ULK4: variants seen among roughly 807,000 people sequenced by gnomAD.
The protein encoded by ULK4 is unc-51 like kinase 4.
ULK4 carries 133 observed loss-of-function variants against 160.6 expected under a neutral mutation model. The ratio of observed to expected loss-of-function variants is 0.83; its 90% confidence interval spans 0.72 to 0.96. The LOEUF (loss-of-function observed/expected upper bound fraction) is 0.96. ULK4 is among the 40% of genes least tolerant of loss of function. ULK4 has a pLI of 0.00. For synonymous variants in ULK4, 534 were observed against 539.8 expected (o/e 0.99, Z 0.15); for missense variants, 1,580 against 1,499.5 (o/e 1.05, Z -0.89).
chr3:41,638,779 C>A (rs1376705040), intron 30 of ULK4, among the ~76,000 whole-genome samples: 1 of 152,300 alleles, frequency 6.6e-6, no homozygotes. Context: ...TGAGACATGA[C>A]AGATGAATTA....
chr3:41,949,212 G>C (rs1400139594), intron 2 of ULK4, among the ~76,000 whole-genome samples: 1 of 151,964 alleles, frequency 6.6e-6, no homozygotes, highest in African/African-American at 2.4e-5. Context: ...GGGAGGCTGA[G>C]GCAGGAGAAT....
At chr3:41,802,219 GAAT>G (rs1306899913) in intron 19 of ULK4, among the ~76,000 whole-genome samples, 2 of 151,980 alleles carry the variant, frequency 1.3e-5, no homozygotes, top group Non-Finnish European at 2.9e-5. Flanking sequence ...AAAGAACAAA[GAAT>G]AAAAAAGTAA....
chr3:41,466,930 G>A (rs1328765898), intron 32 of ULK4, among the ~76,000 whole-genome samples: 1 of 152,050 alleles, frequency 6.6e-6, no homozygotes, highest in East Asian at 1.9e-4. Flanking sequence ...AGGTATAACA[G>A]TCAATAAGTA....
At chr3:41,720,263 C>T (rs2037405697) in intron 22 of ULK4, among the ~76,000 whole-genome samples, 1 of 152,184 alleles carries the variant, frequency 6.6e-6, no homozygotes, top group Admixed American at 6.5e-5. Context: ...GTGTTCAATA[C>T]ATATTAGCTG....
chr3:41,394,094 A>C (rs1050530562), intron 35 of ULK4, among the ~76,000 whole-genome samples: 1 of 152,176 alleles, frequency 6.6e-6, no homozygotes, highest in Non-Finnish European at 1.5e-5. Context: ...AGTAACCAAC[A>C]ACTGATGAAC....
intron 22 of ULK4, among the ~76,000 whole-genome samples, chr3:41,738,438 C>G (rs973419991): frequency 2.6e-5 from 4 of 151,962 alleles, no homozygotes; most frequent in Non-Finnish European, 4.4e-5. Flanking sequence ...GCCATGCTAA[C>G]TCTGCTACCA....
chr3:41,622,164 G>A (rs1470007154), intron 30 of ULK4, among the ~76,000 whole-genome samples: 1 of 152,188 alleles, frequency 6.6e-6, no homozygotes, highest in Non-Finnish European at 1.5e-5. Context: ...CTGTTGGTGG[G>A]AGTGTAAATT....
intron 31 of ULK4, among the ~76,000 whole-genome samples, chr3:41,613,932 T>C (rs1442862431): frequency 6.6e-6 from 1 of 152,240 alleles, no homozygotes; most frequent in Non-Finnish European, 1.5e-5. Context: ...GGAGGGTAGA[T>C]GTCACCTTCT....
At chr3:41,819,283 TA>T in intron 19 of ULK4, 139 bp downstream of exon 19, 1 of 665,872 alleles carries the variant, frequency 1.5e-6, no homozygotes. Context: ...TTGCTCATGG[TA>T]GGTTGTCGGG....
At chr3:41,585,909 G>C (rs966808859) in intron 31 of ULK4, among the ~76,000 whole-genome samples, 16 of 152,128 alleles carry the variant, frequency 1.1e-4, no homozygotes, top group African/African-American at 3.6e-4. Context: ...ATGAAAAGAT[G>C]CTCAGCATCA....
intron 29 of ULK4, among the ~76,000 whole-genome samples, chr3:41,676,552 C>G: frequency 6.6e-6 from 1 of 151,896 alleles, no homozygotes; most frequent in East Asian, 1.9e-4. Flanking sequence ...CTTAATATTT[C>G]AGTAAACATT....
intron 34 of ULK4, among the ~76,000 whole-genome samples, chr3:41,422,400 T>C (rs2082682660): frequency 1.3e-5 from 2 of 152,146 alleles, no homozygotes; most frequent in African/African-American, 2.4e-5. Flanking sequence ...AGATTCCTAT[T>C]CCTATTTAAA....
chr3:41,913,972 G>A (rs34982278), intron 8 of ULK4, among the ~76,000 whole-genome samples: 24,456 of 152,086 alleles, frequency 0.16, 2,619 homozygotes, highest in East Asian at 0.24. Context: ...CCGGGAGGGG[G>A]TGCGGCGGTG....
At chr3:41,773,596 T>C (rs1482249621) in intron 21 of ULK4, among the ~76,000 whole-genome samples, 1 of 152,048 alleles carries the variant, frequency 6.6e-6, no homozygotes, top group Non-Finnish European at 1.5e-5. Context: ...GGAAGAACAT[T>C]CCATGCTCAT....
chr3:41,774,152 A>C (rs2039514432), intron 21 of ULK4, among the ~76,000 whole-genome samples: 2 of 152,172 alleles, frequency 1.3e-5, no homozygotes, highest in African/African-American at 4.8e-5. Flanking sequence ...CATTCAGGAC[A>C]TAGGCATGGG....
intron 31 of ULK4, among the ~76,000 whole-genome samples, chr3:41,574,986 C>A (rs2088137605): frequency 6.6e-6 from 1 of 152,162 alleles, no homozygotes. Flanking sequence ...CTGTCCACAG[C>A]CCTGGTTGGA....
intron 16 of ULK4, among the ~76,000 whole-genome samples, chr3:41,886,261 T>C (rs182736117): frequency 6.3e-4 from 96 of 152,336 alleles, no homozygotes; most frequent in African/African-American, 2.3e-3. Flanking sequence ...TAAAATGTTG[T>C]AGTTACTTAT....
chr3:41,497,772 C>A (rs760801000), intron 32 of ULK4, among the ~76,000 whole-genome samples: 1 of 152,140 alleles, frequency 6.6e-6, no homozygotes, highest in African/African-American at 2.4e-5. Context: ...GTCTCACCTA[C>A]TCACGAGGTT....
At chr3:41,369,441 C>G (rs542699857) in intron 35 of ULK4, among the ~76,000 whole-genome samples, 50 of 151,522 alleles carry the variant, frequency 3.3e-4, no homozygotes, top group African/African-American at 1.1e-3. Context: ...CTGCAGTAAG[C>G]TGAGATTACG....
Sources: allele counts gnomAD v4.1 joint callset (sites outside exome capture counted in the v4.1 genomes callset), GRCh38; gene constraint gnomAD v4.1.1; transcripts MANE v1.5; gene names NCBI Gene and HGNC (gene_info 2026-07-23, HGNC 2026-07-21).